The following RASSF3 variants were observed in gnomAD, a reference collection of about 807,000 sequenced individuals.
RASSF3 encodes Ras association domain family member 3, also known as ras association domain-containing protein 3.
RASSF3 carries 19 observed loss-of-function variants against 19.9 expected under a neutral mutation model. The ratio of observed to expected loss-of-function variants is 0.96; its 90% CI spans 0.67 to 1.40. The LOEUF is 1.40. Among genes scored for constraint, RASSF3 ranks in the 40% most tolerant of loss-of-function variants. The pLI is 0.00. For synonymous variants in RASSF3, 110 were observed against 104.2 expected (o/e 1.06, Z -0.34); for missense variants, 306 against 289.8 (o/e 1.06, Z -0.41).
chr12:64,688,984 C>T (rs1873469370), intron 3 of RASSF3, among the ~76,000 whole-genome samples: 1 of 152,134 alleles, frequency 6.6e-6, no homozygotes, highest in East Asian at 1.9e-4. Flanking sequence ...CTTGGTGTTA[C>T]GCCGGGACAT....
intron 1 of RASSF3, among the ~76,000 whole-genome samples, chr12:64,666,744 G>A (rs1872547936): frequency 6.6e-6 from 1 of 152,166 alleles, no homozygotes; most frequent in Non-Finnish European, 1.5e-5. Context: ...GTCCCACCTA[G>A]GCCTTGAAGG....
intron 1 of RASSF3, among the ~76,000 whole-genome samples, chr12:64,626,419 C>T (rs556849655): frequency 8.3e-4 from 115 of 137,890 alleles, no homozygotes; most frequent in Non-Finnish European, 1.5e-3. Context: ...ACTTAGGAGG[C>T]GGAGGTTGCA....
intron 1 of RASSF3, among the ~76,000 whole-genome samples, chr12:64,510,090 C>CAAA (rs67684990): frequency 9.3e-6 from 1 of 107,250 alleles, no homozygotes; most frequent in Non-Finnish European, 2.1e-5. Context: ...AACTCCATCT[C>CAAA]AAAAAAAAAA....
intron 1 of RASSF3, among the ~76,000 whole-genome samples, chr12:64,676,467 C>CTTTTTTTT (rs34917109): frequency 1.4e-5 from 1 of 69,772 alleles, no homozygotes; most frequent in Non-Finnish European, 2.6e-5. Context: ...CTGTGCCCAG[C>CTTTTTTTT]TTTTTTTTTT....
intron 1 of RASSF3, among the ~76,000 whole-genome samples, chr12:64,675,784 A>C (rs538047794): frequency 6.6e-6 from 1 of 152,224 alleles, no homozygotes; most frequent in East Asian, 1.9e-4. Context: ...TGCTGTTCAA[A>C]GCATGAACAA....
chr12:64,580,555 C>A (rs1869675919), intron 2 of RASSF3, among the ~76,000 whole-genome samples: 1 of 146,078 alleles, frequency 6.8e-6, no homozygotes, highest in Non-Finnish European at 1.5e-5. Flanking sequence ...TAGAATGAGA[C>A]CTTGTCTCTT....
At chr12:64,580,497 G>A (rs1280649795) in intron 2 of RASSF3, among the ~76,000 whole-genome samples, 1 of 151,660 alleles carries the variant, frequency 6.6e-6, no homozygotes, top group Non-Finnish European at 1.5e-5. Flanking sequence ...CCAGGAGATC[G>A]AGGCTGCAGT....
intron 1 of RASSF3, among the ~76,000 whole-genome samples, chr12:64,508,532 A>G (rs955239869): frequency 2.6e-5 from 4 of 151,858 alleles, no homozygotes; most frequent in African/African-American, 9.7e-5. Context: ...AAAAAACAAA[A>G]AACAGAAGTG....
chr12:64,643,055 A>G (rs1354861093), intron 1 of RASSF3, among the ~76,000 whole-genome samples: 1 of 151,800 alleles, frequency 6.6e-6, no homozygotes, highest in Non-Finnish European at 1.5e-5. Flanking sequence ...GGGCTTCACC[A>G]TGTTGCCCAG....
chr12:64,549,805 G>C (rs1035500729), intron 2 of RASSF3, among the ~76,000 whole-genome samples: 1 of 152,212 alleles, frequency 6.6e-6, no homozygotes, highest in Non-Finnish European at 1.5e-5. Context: ...ATGTTTGTCT[G>C]TGTGCCACGG....
intron 1 of RASSF3, among the ~76,000 whole-genome samples, chr12:64,664,080 A>G (rs1872467271): frequency 6.6e-6 from 1 of 152,138 alleles, no homozygotes; most frequent in Non-Finnish European, 1.5e-5. Context: ...CCTGGTAAAC[A>G]GCAACTTTAG....
chr12:64,542,303 G>T (rs1197632085), downstream of RASSF3, among the ~76,000 whole-genome samples: 1 of 152,128 alleles, frequency 6.6e-6, no homozygotes, highest in East Asian at 1.9e-4. Context: ...ACTCCATCCA[G>T]CCTAAGTGAC....
chr12:64,668,273 T>TCTTCTTC (rs201241235), intron 1 of RASSF3, among the ~76,000 whole-genome samples: 1 of 132,394 alleles, frequency 7.6e-6, no homozygotes. Flanking sequence ...TTCTTCTTCT[T>TCTTCTTC]TTTTTTTTTT....
At chr12:64,585,575 T>G (rs1187295331) in intron 2 of RASSF3, among the ~76,000 whole-genome samples, 2 of 151,238 alleles carry the variant, frequency 1.3e-5, no homozygotes, top group East Asian at 1.9e-4. Context: ...TCATCTACAC[T>G]GTTACTGCAT....
At chr12:64,601,771 C>T (rs536364064) in intron 2 of RASSF3, among the ~76,000 whole-genome samples, 1 of 151,986 alleles carries the variant, frequency 6.6e-6, no homozygotes, top group East Asian at 1.9e-4. Context: ...TGTGATCAGG[C>T]CATTGCACTC....
Position 64,694,875 on chromosome 12 carries a change from T to C in RASSF3, c.680T>C (p.Leu227Pro). 6.2e-7 allele frequency: 1 copy of C among 1,614,216 alleles called. No homozygotes were observed. The highest frequency in any genetic ancestry group is 8.5e-7 in the Non-Finnish European group (1 of 1,180,032). The change falls in exon 5 of 5, where the codon CTG (leucine) becomes CCG (proline). Residue 227 changes from leucine (L) to proline (P), a missense_variant. By Grantham distance (98) the Leu-to-Pro change is moderately conservative. Coordinates refer to ENST00000542104, the MANE Select transcript of RASSF3 (RefSeq NM_178169.4). Reference sequence around the variant, plus strand: ...CGCTACACAGCCTACAGGCAGAAGCTGGAAGAAGCCCTCCGTGAGGTGTGG... The same window carrying C: ...CGCTACACAGCCTACAGGCAGAAGCCGGAAGAAGCCCTCCGTGAGGTGTGG... The part of the protein sequence containing the change: ...KRRYTAYRQK[L>P]EEALREVWKP...
intron 1 of RASSF3, among the ~76,000 whole-genome samples, chr12:64,617,038 A>C (rs1455762832): frequency 6.6e-6 from 1 of 152,194 alleles, no homozygotes; most frequent in Non-Finnish European, 1.5e-5. Context: ...CATAATATAA[A>C]TGCTTGGCAC....
chr12:64,527,977 G>A (rs1048001646), intron 1 of RASSF3, among the ~76,000 whole-genome samples: 2 of 149,212 alleles, frequency 1.3e-5, no homozygotes, highest in Non-Finnish European at 3.0e-5. Context: ...AATTGATACA[G>A]GCCAGGTGTG....
At chr12:64,528,808 G>T (rs1868644291), upstream of RASSF3, among the ~76,000 whole-genome samples, 1 of 152,214 alleles carries the variant, frequency 6.6e-6, no homozygotes, top group Non-Finnish European at 1.5e-5. Flanking sequence ...CCGCAGCTGT[G>T]ACTCGCAGTG....
Sources: allele counts gnomAD v4.1 joint callset (sites outside exome capture counted in the v4.1 genomes callset), GRCh38; gene constraint gnomAD v4.1.1; transcripts MANE v1.5; gene names NCBI Gene and HGNC (gene_info 2026-07-23, HGNC 2026-07-21).